CCDC73: variants seen among roughly 807,000 people sequenced by gnomAD.
The protein encoded by CCDC73 is coiled-coil domain containing 73.
In CCDC73, 95 loss-of-function variants were observed where a neutral mutation model predicts 116.5. The ratio of observed to expected loss-of-function variants is 0.82; its 90% confidence interval spans 0.69 to 0.97. The LOEUF (loss-of-function observed/expected upper bound fraction) is 0.97, where lower values mean the gene tolerates loss of function less well. Ranked by LOEUF, CCDC73 falls within the 50% of genes least tolerant of loss-of-function variation. CCDC73 has a pLI of 0.00. For synonymous variants in CCDC73, 398 were observed against 401.3 expected (o/e 0.99, Z 0.10); for missense variants, 1,066 against 1,206.8 (o/e 0.88, Z 1.73).
upstream of CCDC73, among the ~76,000 whole-genome samples, chr11:32,797,881 C>T (rs1301178848): frequency 2.0e-5 from 3 of 152,248 alleles, no homozygotes; most frequent in African/African-American, 4.8e-5. Context: ...ATCCCTAATC[C>T]AAAAATCTGC....
At chr11:32,821,135 GGA>G in the CCDC73 span, among the ~76,000 whole-genome samples, 1 of 151,942 alleles carries the variant, frequency 6.6e-6, no homozygotes, top group South Asian at 2.1e-4. Context: ...CTTCACTCCA[GGA>G]GAAGATATTA....
chr11:32,747,351 C>G (rs1391965230), intron 2 of CCDC73, among the ~76,000 whole-genome samples: 1 of 152,106 alleles, frequency 6.6e-6, no homozygotes, highest in Non-Finnish European at 1.5e-5. Context: ...TCTGTTGGTC[C>G]CTACTGGGAG....
intron 2 of CCDC73, among the ~76,000 whole-genome samples, chr11:32,755,609 A>G (rs1413962455): frequency 1.7e-5 from 1 of 60,206 alleles, no homozygotes; most frequent in Non-Finnish European, 3.2e-5. Context: ...ATCCATATAT[A>G]TGTGTGTGTA....
the CCDC73 span, among the ~76,000 whole-genome samples, chr11:32,806,358 C>T: frequency 6.6e-6 from 1 of 152,302 alleles, no homozygotes; most frequent in Non-Finnish European, 1.5e-5. Flanking sequence ...TGGTAGCTCA[C>T]CCCTATCATC....
At chr11:32,718,479 T>C (rs938922895) in intron 2 of CCDC73, among the ~76,000 whole-genome samples, 8 of 152,152 alleles carry the variant, frequency 5.3e-5, no homozygotes, top group African/African-American at 1.9e-4. Flanking sequence ...ACTGTAAAAA[T>C]ATGAATCTCC....
chr11:32,619,306 T>C (rs530292703), intron 14 of CCDC73, among the ~76,000 whole-genome samples: 30 of 152,308 alleles, frequency 2.0e-4, no homozygotes, highest in African/African-American at 6.5e-4. Flanking sequence ...TTTAGATGTA[T>C]GGGAAAATTG....
chr11:32,647,913 T>C (rs1565065884), intron 12 of CCDC73, among the ~76,000 whole-genome samples: 1 of 151,824 alleles, frequency 6.6e-6, no homozygotes, highest in Non-Finnish European at 1.5e-5. Context: ...CAAACTACCA[T>C]TGGTTTAACA....
At chr11:32,662,480 C>T (rs1245624337) in intron 9 of CCDC73, among the ~76,000 whole-genome samples, 1 of 151,422 alleles carries the variant, frequency 6.6e-6, no homozygotes, top group Non-Finnish European at 1.5e-5. Flanking sequence ...GCATAAATGT[C>T]TTCTTTTGAG....
chr11:32,708,063 T>C (rs576183746), intron 3 of CCDC73, among the ~76,000 whole-genome samples: 72 of 152,330 alleles, frequency 4.7e-4, no homozygotes, highest in African/African-American at 1.6e-3. Flanking sequence ...CTTTGATCCA[T>C]CTTGATTTGA....
chr11:32,800,627 T>C, the CCDC73 span, among the ~76,000 whole-genome samples: 2 of 152,190 alleles, frequency 1.3e-5, no homozygotes, highest in Non-Finnish European at 2.9e-5. Context: ...CCCCTTTACT[T>C]ATGTTAATGA....
At chr11:32,610,990 G>T in intron 17 of CCDC73, 142 bp downstream of exon 17, 1 of 719,044 alleles carries the variant, frequency 1.4e-6, no homozygotes, top group Non-Finnish European at 2.2e-6. Context: ...AACCTTAATT[G>T]TGAAAAATGG....
At chr11:32,664,334 A>AT (rs1855959775) in intron 9 of CCDC73, among the ~76,000 whole-genome samples, 1 of 152,162 alleles carries the variant, frequency 6.6e-6, no homozygotes, top group Non-Finnish European at 1.5e-5. Flanking sequence ...TTGGTAGGCT[A>AT]TTAATTACTA....
At chr11:32,627,691 A>G (rs1855588916) in intron 14 of CCDC73, among the ~76,000 whole-genome samples, 1 of 152,152 alleles carries the variant, frequency 6.6e-6, no homozygotes, top group African/African-American at 2.4e-5. Context: ...GAAGCTGGAA[A>G]CCATCATTCT....
chr11:32,686,944 A>G (rs1856207297), intron 6 of CCDC73, among the ~76,000 whole-genome samples: 1 of 152,248 alleles, frequency 6.6e-6, no homozygotes, highest in South Asian at 2.1e-4. Flanking sequence ...TGCATTAACT[A>G]TAGAAGGCAG....
chr11:32,824,955 T>C, the CCDC73 span, among the ~76,000 whole-genome samples: 134,914 of 152,140 alleles, frequency 0.89, 60,033 homozygotes, highest in East Asian at 0.99. Context: ...CATGATGGCA[T>C]GTGCCTGAGG....
intron 6 of CCDC73, among the ~76,000 whole-genome samples, chr11:32,695,593 T>C (rs1856303103): frequency 6.6e-6 from 1 of 152,200 alleles, no homozygotes; most frequent in Non-Finnish European, 1.5e-5. Flanking sequence ...GCAGAATTGA[T>C]TGCCTCTTTC....
intron 9 of CCDC73, among the ~76,000 whole-genome samples, chr11:32,665,039 C>T (rs1198388580): frequency 2.0e-5 from 3 of 152,138 alleles, no homozygotes; most frequent in African/African-American, 7.2e-5. Flanking sequence ...GTTATAATTT[C>T]TGTTCTTCTA....
At chr11:32,676,092 A>C in intron 7 of CCDC73, 71 bp from the exon 8 acceptor site, 1 of 1,276,614 alleles carries the variant, frequency 7.8e-7, no homozygotes, top group Non-Finnish European at 1.0e-6. Context: ...CAAATATGTA[A>C]AATATATTGT....
chr11:32,658,204 T>C (rs2133266970), intron 9 of CCDC73, among the ~76,000 whole-genome samples: 1 of 152,296 alleles, frequency 6.6e-6, no homozygotes, highest in African/African-American at 2.4e-5. Context: ...CCATCCCTTG[T>C]TGTTTTCCCT....
Sources: allele counts gnomAD v4.1 joint callset (sites outside exome capture counted in the v4.1 genomes callset), GRCh38; gene constraint gnomAD v4.1.1; transcripts MANE v1.5; gene names NCBI Gene and HGNC (gene_info 2026-07-23, HGNC 2026-07-21).